Variants in GPC5 observed in about 807,000 individuals in gnomAD.
GPC5 encodes glypican 5.
Under a neutral mutation model 53.9 loss-of-function variants are expected in GPC5, and 47 were observed. The observed-to-expected ratio is 0.87, with a 90% confidence interval of 0.69 to 1.11. The LOEUF is 1.11. Among genes scored for constraint, GPC5 ranks in the 50% most tolerant of loss-of-function variants. GPC5 has a pLI of 0.00. For missense variants in GPC5, 748 were observed against 713.1 expected, an observed-to-expected ratio of 1.05 and a Z score of -0.56; for synonymous variants, 286 against 263.3, an observed-to-expected ratio of 1.09 and a Z score of -0.84.
chr13:92,395,125 T>A (rs1006505950), intron 7 of GPC5, among the ~76,000 whole-genome samples: 4 of 152,178 alleles, frequency 2.6e-5, no homozygotes, highest in African/African-American at 4.8e-5. Context: ...AAATTATTGA[T>A]GTAGTTCATT....
At chr13:92,611,917 T>A (rs921277152) in intron 7 of GPC5, among the ~76,000 whole-genome samples, 6 of 152,108 alleles carry the variant, frequency 3.9e-5, no homozygotes, top group African/African-American at 1.4e-4. Context: ...TTACAAAAGT[T>A]TCAAAGAATC....
At chr13:91,761,614 T>C (rs2037414673) in intron 5 of GPC5, among the ~76,000 whole-genome samples, 1 of 152,116 alleles carries the variant, frequency 6.6e-6, no homozygotes, top group Admixed American at 6.6e-5. Context: ...AGAGAAACAC[T>C]TATGTTTACC....
At chr13:91,718,131 G>C (rs993636991) in intron 3 of GPC5, among the ~76,000 whole-genome samples, 4 of 144,904 alleles carry the variant, frequency 2.8e-5, no homozygotes, top group African/African-American at 1.0e-4. Context: ...TTGTTGTTGA[G>C]ATGGAGTCTC....
chr13:92,270,343 A>C (rs1566512201), intron 7 of GPC5, among the ~76,000 whole-genome samples: 1 of 152,164 alleles, frequency 6.6e-6, no homozygotes, highest in Non-Finnish European at 1.5e-5. Flanking sequence ...TTCCCCCTCC[A>C]TGCCGCTCTT....
intron 4 of GPC5, among the ~76,000 whole-genome samples, chr13:91,739,748 A>C (rs345482): frequency 0.74 from 112,227 of 150,946 alleles, 42,293 homozygotes; most frequent in Middle Eastern, 0.82. Context: ...TATGAGCTGG[A>C]CTCAGAAATC....
chr13:92,166,941 C>CTT (rs2042032730), intron 7 of GPC5, among the ~76,000 whole-genome samples: 1 of 111,722 alleles, frequency 9.0e-6, no homozygotes, highest in South Asian at 3.8e-4. Flanking sequence ...CTCTCTCTCT[C>CTT]TCTCTCTCTC....
At chr13:91,510,392 G>C (rs1885173018) in intron 2 of GPC5, among the ~76,000 whole-genome samples, 1 of 152,180 alleles carries the variant, frequency 6.6e-6, no homozygotes, top group African/African-American at 2.4e-5. Flanking sequence ...AAGATATCCA[G>C]CTGGGAAGCT....
intron 7 of GPC5, among the ~76,000 whole-genome samples, chr13:92,230,710 T>A (rs1447816233): frequency 6.6e-6 from 1 of 152,144 alleles, no homozygotes; most frequent in East Asian, 1.9e-4. Flanking sequence ...TTTAAAAATT[T>A]ACATAAATAT....
intron 7 of GPC5, among the ~76,000 whole-genome samples, chr13:92,306,849 C>T (rs4085672): frequency 0.2 from 30,401 of 152,140 alleles, 3,168 homozygotes; most frequent in South Asian, 0.36. Context: ...TGGCAAATTA[C>T]GTTGCATAGG....
chr13:92,847,600 A>T (rs1198715035), intron 7 of GPC5, among the ~76,000 whole-genome samples: 1 of 150,954 alleles, frequency 6.6e-6, no homozygotes, highest in Non-Finnish European at 1.5e-5. Context: ...AGTGCTGTAC[A>T]GCCTGGGGAA....
At chr13:92,160,188 G>A (rs1281956368) in intron 7 of GPC5, among the ~76,000 whole-genome samples, 1 of 152,122 alleles carries the variant, frequency 6.6e-6, no homozygotes, top group Non-Finnish European at 1.5e-5. Flanking sequence ...GGGATTATAG[G>A]CATGAAAGTA....
intron 5 of GPC5, among the ~76,000 whole-genome samples, chr13:91,871,633 G>A (rs1217470331): frequency 4.0e-5 from 6 of 151,686 alleles, no homozygotes; most frequent in Non-Finnish European, 8.8e-5. Flanking sequence ...GGATCCCAAT[G>A]TTCTAAAATT....
chr13:92,218,360 T>G (rs1566489879), intron 7 of GPC5, among the ~76,000 whole-genome samples: 1 of 152,228 alleles, frequency 6.6e-6, no homozygotes, highest in Non-Finnish European at 1.5e-5. Context: ...CTATTTTATT[T>G]CTTCATTCAC....
chr13:92,108,546 C>T (rs1226723172), intron 6 of GPC5, among the ~76,000 whole-genome samples: 1 of 152,176 alleles, frequency 6.6e-6, no homozygotes, highest in African/African-American at 2.4e-5. Flanking sequence ...ATTCTACAAT[C>T]ACTGTCTTTG....
chr13:91,674,414 C>T (rs145213529), intron 2 of GPC5, among the ~76,000 whole-genome samples: 2,147 of 132,688 alleles, frequency 0.016, 83 homozygotes, highest in African/African-American at 0.055. Context: ...TATATATATA[C>T]ACACACACAT....
intron 7 of GPC5, among the ~76,000 whole-genome samples, chr13:92,863,907 C>T (rs1358817915): frequency 6.6e-6 from 1 of 152,152 alleles, no homozygotes; most frequent in African/African-American, 2.4e-5. Flanking sequence ...AAGAGCAAAA[C>T]TATGAATTTA....
chr13:92,124,964 T>C (rs1389594456), intron 6 of GPC5, among the ~76,000 whole-genome samples: 2 of 152,142 alleles, frequency 1.3e-5, no homozygotes, highest in South Asian at 4.1e-4. Flanking sequence ...AGAGACAGAA[T>C]TCAACAAAAG....
chr13:92,370,207 A>G (rs9561024), intron 7 of GPC5, among the ~76,000 whole-genome samples: 19,537 of 152,274 alleles, frequency 0.13, 1,423 homozygotes, highest in East Asian at 0.21. Context: ...AAGTCATTAA[A>G]AATGTATTTT....
At chr13:92,417,087 G>A (rs1202915990) in intron 7 of GPC5, among the ~76,000 whole-genome samples, 1 of 152,124 alleles carries the variant, frequency 6.6e-6, no homozygotes, top group Non-Finnish European at 1.5e-5. Context: ...TGTAAGTCAA[G>A]GAGTGCACTG....
Sources: gnomAD v4.1 joint callset for allele counts (sites outside exome capture counted in the v4.1 genomes callset) on GRCh38, gnomAD v4.1.1 for gene constraint, MANE v1.5 for transcripts, NCBI Gene and HGNC (gene_info 2026-07-23, HGNC 2026-07-21) for gene names.